The following GALC variants were observed in gnomAD, a reference collection of about 807,000 sequenced individuals.
GALC encodes galactosylceramidase.
In GALC, 77 loss-of-function variants were observed where a neutral mutation model predicts 91.8. That is an observed-to-expected ratio of 0.84 (90% CI 0.70 to 1.01). The LOEUF is 1.01. Among genes scored for constraint, GALC ranks in the 50% least tolerant of loss-of-function variants. The pLI is 0.00. For missense variants in GALC, 882 were observed against 855.9 expected (o/e 1.03, Z -0.38); for synonymous variants, 357 against 306.7 (o/e 1.16, Z -1.71).
At position 87,993,140 on chromosome 14, in the gene GALC, A is replaced by G; in HGVS notation, c.25T>C (p.Ser9Pro). 1.3e-6 allele frequency: 2 copies of G among 1,584,344 alleles called. No individual in the cohort carries two copies. Among genetic ancestry groups the G allele is most frequent in the Non-Finnish European group, 1.7e-6 (2 of 1,166,440 alleles). ...ATAGCTTTCGCTCGGCGTTGCCAGG[A>G]AGCCGAGAGTAGCCACTCAGCCATT... MAEWLLSA[S>P]WQRRAKAMTA... The change falls in exon 1 of 17, where the codon TCC becomes CCC. Residue 9 changes from serine to proline, a missense_variant. By Grantham distance (74) the Ser-to-Pro change is moderately conservative. Coordinates refer to ENST00000261304, the MANE Select transcript of GALC (RefSeq NM_000153.4).
At chr14:87,978,268 C>T (rs1269282219) in intron 6 of GALC, among the ~76,000 whole-genome samples, 1 of 152,130 alleles carries the variant, frequency 6.6e-6, no homozygotes, top group African/African-American at 2.4e-5. Context: ...TCAGGCTGAT[C>T]TCGAACTCCT....
rs747018451 is a variant in GALC at position 87,958,742 on chromosome 14, G to GAA, written c.1161+4640_1161+4641dup. Among the ~76,000 whole-genome samples the GAA allele has an allele frequency of 5.4e-4, 82 of 152,166 alleles. 1 individual carries two copies. The highest frequency in any genetic ancestry group is 1.0e-3 in the Non-Finnish European group (69 of 68,002). On this transcript the variant is annotated intron_variant, in intron 10 of 16. Transcript: ENST00000261304. ...AACAAAGGTGCCAAGAACACGCTAG[G>GAA]AAAAAGGACAGTCTCTTCCATAAAC...
At chr14:87,958,522 CACAA>C (rs1295563861) in intron 10 of GALC, among the ~76,000 whole-genome samples, 4 of 151,960 alleles carry the variant, frequency 2.6e-5, no homozygotes, top group South Asian at 2.1e-4. Flanking sequence ...CACAAAAGAC[CACAA>C]ACAGTCAATG....
chr14:87,953,792 C>T (rs1885406989), intron 10 of GALC: 1 of 1,606,064 alleles, frequency 6.2e-7, no homozygotes, highest in South Asian at 1.1e-5. Context: ...TAATAAAAAA[C>T]TGTGATTCTA....
At chr14:87,946,541 A>G (rs888978636) in intron 13 of GALC, among the ~76,000 whole-genome samples, 3 of 152,008 alleles carry the variant, frequency 2.0e-5, no homozygotes, top group African/African-American at 7.2e-5. Flanking sequence ...TGTAGCTCAT[A>G]AAGTATTACA....
intron 4 of GALC, among the ~76,000 whole-genome samples, chr14:87,984,979 G>C (rs75532120): frequency 4.6e-5 from 7 of 152,050 alleles, no homozygotes; most frequent in South Asian, 2.1e-4. Context: ...TCATTCAATT[G>C]TACATCTTCT....
At chr14:87,970,309 T>A (rs1886232963) in intron 7 of GALC, among the ~76,000 whole-genome samples, 1 of 152,202 alleles carries the variant, frequency 6.6e-6, no homozygotes, top group African/African-American at 2.4e-5. Flanking sequence ...ATGTTACCAA[T>A]AATCAGTAGA....
Position 87,947,855 on chromosome 14 carries a change from G to GA in GALC, c.1361dup (p.Thr455HisfsTer6). The GA allele has an allele frequency of 1.9e-6, 3 of 1,612,564 alleles. No homozygotes were observed. Among genetic ancestry groups the GA allele is most frequent in the Non-Finnish European group, 2.5e-6 (3 of 1,179,100 alleles). ...GCTCATCTTCATGCAGGCTCAGTGT[G>GA]AAACTGCCATCGCTGTCAAGGAGCT... On this transcript the variant is annotated frameshift_variant, in exon 13 of 17. Transcript: ENST00000261304. LOFTEE classifies it high-confidence loss of function.
intron 1 of GALC, chr14:87,992,173 G>A (rs1395740446): frequency 3.2e-6 from 3 of 939,884 alleles, no homozygotes; most frequent in African/African-American, 1.6e-5. Context: ...AGCTTGTTCT[G>A]AGTTGAATGT....
intron 1 of GALC, chr14:87,992,586 C>T: frequency 6.8e-7 from 1 of 1,467,728 alleles, no homozygotes; most frequent in East Asian, 2.5e-5. Flanking sequence ...TCCCGCACTC[C>T]CTGGCCCTTT....
At chr14:87,957,832 A>C (rs1885622864) in intron 10 of GALC, among the ~76,000 whole-genome samples, 1 of 152,200 alleles carries the variant, frequency 6.6e-6, no homozygotes. Flanking sequence ...ACTATTATAC[A>C]AAACATGGCT....
chr14:87,993,595 A>G, upstream of GALC: 1 of 890,684 alleles, frequency 1.1e-6, no homozygotes, highest in Non-Finnish European at 1.7e-6. Context: ...TTGGAGCCTG[A>G]GTTTTCCCTT....
Position 87,986,571 on chromosome 14 carries a change from T to G in GALC, c.360A>C (p.Ala120=), listed in dbSNP as rs1172612470. ...ATCCTCGGAAATAATTCTCATCTAG[T>G]GCATAATGCATGTGGGAGGGCTCAG... ...DGTEPSHMHY[A]LDENYFRGYE... The change falls in exon 4 of 17, where the codon GCA becomes GCC. Residue 120 remains alanine, a synonymous_variant. Coordinates refer to ENST00000261304, the MANE Select transcript of GALC (RefSeq NM_000153.4). The G allele has an allele frequency of 6.2e-7, 1 of 1,613,736 alleles. No homozygotes were observed. The highest frequency in any genetic ancestry group is 1.7e-5 in the Admixed American group (1 of 60,000).
At chr14:87,945,907 A>G (rs974212049) in intron 13 of GALC, among the ~76,000 whole-genome samples, 174 bp from the exon 14 acceptor site, 2 of 152,074 alleles carry the variant, frequency 1.3e-5, no homozygotes, top group Non-Finnish European at 2.9e-5. Flanking sequence ...TTGTATCATC[A>G]TTACTAAATA....
rs557778528 is a variant in GALC, at chr14:87,947,866, C to A, written c.1351G>T (p.Asp451Tyr). 12 of 1,612,298 alleles carry A rather than the reference C, an allele frequency of 7.4e-6. No homozygotes were observed. The highest frequency in any genetic ancestry group is 1.3e-5 in the African/African-American group (1 of 74,880). Residue 451 changes from aspartate (D) to tyrosine (Y), a missense_variant, in exon 13 of 17, where the codon GAT becomes TAT. By Grantham distance (160) the Asp-to-Tyr change is radical (BLOSUM62 -3). Transcript: ENST00000261304. ...TGCAGGCTCAGTGTGAAACTGCCAT[C>A]GCTGTCAAGGAGCTGAAAAAGAAGA... ...QLDSLWLLDS[D>Y]GSFTLSLHED... is the part of the protein sequence containing the mutation.
chr14:87,993,482 A>C, upstream of GALC: 1 of 1,535,574 alleles, frequency 6.5e-7, no homozygotes, highest in Non-Finnish European at 8.7e-7. Flanking sequence ...TGGCCCTACC[A>C]TGGCTCTTCC....
chr14:87,946,055 A>C (rs1201695985), intron 13 of GALC, among the ~76,000 whole-genome samples: 1 of 152,024 alleles, frequency 6.6e-6, no homozygotes, highest in East Asian at 1.9e-4. Flanking sequence ...AAGCTATTTA[A>C]CTGCCCTGCA....
At chr14:87,946,069 A>G (rs1003543593) in intron 13 of GALC, among the ~76,000 whole-genome samples, 5 of 152,042 alleles carry the variant, frequency 3.3e-5, no homozygotes, top group Admixed American at 2.6e-4. Context: ...CCCTGCATCT[A>G]AAGTTTCTTC....
chr14:87,946,484 T>C (rs1401818238), intron 13 of GALC, among the ~76,000 whole-genome samples: 1 of 145,452 alleles, frequency 6.9e-6, no homozygotes, highest in African/African-American at 2.5e-5. Flanking sequence ...CTAACAAGTA[T>C]CTCCAGAGCC....
Sources: gnomAD v4.1 joint callset for allele counts (sites outside exome capture counted in the v4.1 genomes callset) on GRCh38, gnomAD v4.1.1 for gene constraint, MANE v1.5 for transcripts, NCBI Gene and HGNC (gene_info 2026-07-23, HGNC 2026-07-21) for gene names.